The following TTC21B variants were observed in gnomAD, a reference collection of about 807,000 sequenced individuals.
TTC21B encodes tetratricopeptide repeat domain 21B, also known as tetratricopeptide repeat protein 21B.
In TTC21B, 127 loss-of-function variants were observed where a neutral mutation model predicts 175.1. The ratio of observed to expected loss-of-function variants is 0.73; its 90% CI spans 0.63 to 0.84. TTC21B has a LOEUF of 0.84. Among genes scored for constraint, TTC21B ranks in the 40% least tolerant of loss-of-function variants. The pLI, the probability that TTC21B is intolerant of heterozygous loss-of-function variation, is 0.00. For missense variants in TTC21B, 1,561 were observed against 1,558.3 expected, an observed-to-expected ratio of 1.00 and a Z score of -0.03; for synonymous variants, 524 against 524.5, an observed-to-expected ratio of 1.00 and a Z score of 0.01.
chr2:165,933,032 C>G lies in TTC21B; in HGVS notation c.736G>C (p.Val246Leu), dbSNP rs774480097. 4.3e-6 allele frequency: 7 copies of G among 1,612,746 alleles called. No homozygotes were observed. ...AGTGCCTGCATTCTCAGTGCTTCCA[C>G]ATTTTGGCTATCTTGGAGCAGCAAC... ...QRLLLQDSQN[V>L]EALRMQALYY... is the part of the protein sequence containing the mutation. The change falls in exon 7 of 29, where the codon GTG becomes CTG. Residue 246 changes from valine to leucine, a missense_variant. Val to Leu is a conservative substitution (Grantham distance 32). Coordinates refer to ENST00000243344, the MANE Select transcript of TTC21B (RefSeq NM_024753.5).
intron 3 of TTC21B, among the ~76,000 whole-genome samples, chr2:165,946,316 G>A (rs1449930635): frequency 2.0e-5 from 3 of 151,866 alleles, no homozygotes. Flanking sequence ...TCCAGCCTGG[G>A]TGATAGAGCA....
intron 1 of TTC21B, among the ~76,000 whole-genome samples, chr2:165,951,782 G>A (rs1049864977): frequency 3.9e-5 from 6 of 152,226 alleles, no homozygotes; most frequent in African/African-American, 1.4e-4. Context: ...AGATGAGACT[G>A]TAATCTGAAG....
rs1270585200 is a variant in TTC21B at position 165,874,552 on chromosome 2, T to C, written c.*203A>G. ...TGTACCCAATCAAAACAGAGTCAAA[T>C]AGACCAGCTCTCATTCAACTCCATT... On this transcript the variant is annotated 3_prime_UTR_variant, in exon 29 of 29. Coordinates refer to ENST00000243344, the MANE Select transcript of TTC21B (RefSeq NM_024753.5). 3.7e-6 allele frequency: 2 copies of C among 546,750 alleles called. No homozygotes were observed. Among genetic ancestry groups the C allele is most frequent in the African/African-American group, 3.8e-5 (2 of 52,648 alleles). The allele number at this position is 546,750 out of a possible 1,614,324, so 33.9% of individuals were successfully genotyped here.
intron 1 of TTC21B, among the ~76,000 whole-genome samples, chr2:165,950,070 T>TAAAAAA (rs769740344): frequency 1.3e-4 from 17 of 128,834 alleles, no homozygotes; most frequent in Non-Finnish European, 2.2e-4. Context: ...AAACAGGAAC[T>TAAAAAA]AAAAAAAAAA....
At chr2:165,887,524 TA>T (rs1392031386) in intron 25 of TTC21B, among the ~76,000 whole-genome samples, 1 of 151,944 alleles carries the variant, frequency 6.6e-6, no homozygotes, top group East Asian at 1.9e-4. Context: ...CCTTCTCTAC[TA>T]AAAATACAAA....
chr2:165,916,802 GTTTAT>G (rs1290785825), intron 14 of TTC21B, among the ~76,000 whole-genome samples: 1 of 152,124 alleles, frequency 6.6e-6, no homozygotes, highest in Non-Finnish European at 1.5e-5. Flanking sequence ...CTTACAGGAA[GTTTAT>G]TTTTAGTGCA....
In TTC21B at chr2:165,899,817, A is replaced by C. The variant is rs766079660; in HGVS notation, c.2821T>G (p.Cys941Gly). 1 of 1,614,124 alleles carries C rather than the reference A, an allele frequency of 6.2e-7. No individual in the cohort carries two copies. Among genetic ancestry groups the C allele is most frequent in the South Asian group, 1.1e-5 (1 of 91,088 alleles). Residue 941 changes from cysteine to glycine, a missense_variant, in exon 21 of 29, where the codon TGT (cysteine) becomes GGT (glycine). Coordinates refer to ENST00000243344, the MANE Select transcript of TTC21B (RefSeq NM_024753.5). The stretch of plus-strand genomic sequence containing the variant: ...TGGTCACTCTGAAGCAGTAGAGCAC[A>C]CTGCCGCAGGCAGGAATCAGGGTCA... The part of the protein sequence containing the change: ...QDDPDSCLRQ[C>G]ALLLQSDQDN...
chr2:165,890,397 A>G (rs1685145543), intron 24 of TTC21B, 82 bp downstream of exon 24: 2 of 1,340,226 alleles, frequency 1.5e-6, no homozygotes, highest in Admixed American at 1.9e-5. Flanking sequence ...GCTATCCTAA[A>G]TTTAGTTCTT....
chr2:165,943,662 A>C (rs1687448146), intron 4 of TTC21B, among the ~76,000 whole-genome samples: 1 of 152,188 alleles, frequency 6.6e-6, no homozygotes, highest in African/African-American at 2.4e-5. Context: ...ATAACACTTA[A>C]ACATGAAATT....
chr2:165,876,276 C>T (rs1259577813), intron 27 of TTC21B, 44 bp from the exon 28 acceptor site: 7 of 1,199,042 alleles, frequency 5.8e-6, no homozygotes, highest in Non-Finnish European at 8.7e-6. Context: ...GAGTACACTG[C>T]TACTATTACT....
Position 165,943,361 on chromosome 2 carries a change from ATT to A in TTC21B, c.430-22_430-21del, listed in dbSNP as rs1185102713. The stretch of plus-strand genomic sequence containing the variant: ...GTGTCCCTGTAAAATGAATAATTCT[ATT>A]TTTACTTTTTTAGAAATGAGAGAAA... On this transcript the variant is annotated intron_variant, in intron 4 of 28. Coordinates refer to ENST00000243344, the MANE Select transcript of TTC21B (RefSeq NM_024753.5). 1.9e-6 allele frequency: 3 copies of A among 1,574,040 alleles called. No homozygotes were observed. The highest frequency in any genetic ancestry group is 2.6e-6 in the Non-Finnish European group (3 of 1,148,758).
chr2:165,916,564 G>A (rs925521723), intron 14 of TTC21B, among the ~76,000 whole-genome samples: 2 of 152,088 alleles, frequency 1.3e-5, no homozygotes, highest in African/African-American at 4.8e-5. Flanking sequence ...AGAATTTCAG[G>A]TTGGTACTTC....
At chr2:165,896,189 A>G (rs1253056538) in intron 22 of TTC21B, among the ~76,000 whole-genome samples, 1 of 152,100 alleles carries the variant, frequency 6.6e-6, no homozygotes. Context: ...ACTGAAACAC[A>G]GCTCTAGGAC....
At chr2:165,926,561 T>C (rs1009454974) in intron 11 of TTC21B, among the ~76,000 whole-genome samples, 1 of 152,138 alleles carries the variant, frequency 6.6e-6, no homozygotes, top group Non-Finnish European at 1.5e-5. Context: ...TCTACCATAT[T>C]TTCACATGTT....
chr2:165,914,676 T>TGTGTGTGTGTGTGTGTGTGTGCGCGC (rs1323278449), intron 15 of TTC21B, among the ~76,000 whole-genome samples: 6 of 118,380 alleles, frequency 5.1e-5, no homozygotes, highest in African/African-American at 2.4e-4. Context: ...TGTGTGTGTG[T>TGTGTGTGTGTGTGTGTGTGTGCGCGC]GTGTGTGTGT....
chr2:165,920,813 A>AATATTTTGAAATATTTTCTATATTT (rs1344348648), intron 12 of TTC21B, among the ~76,000 whole-genome samples: 1 of 152,144 alleles, frequency 6.6e-6, no homozygotes, highest in Non-Finnish European at 1.5e-5. Flanking sequence ...AAATATTTAA[A>AATATTTTGAAATATTTTCTATATTT]AATGAGAAGT....
intron 15 of TTC21B, among the ~76,000 whole-genome samples, chr2:165,914,678 T>TGG: frequency 8.5e-6 from 1 of 117,908 alleles, no homozygotes; most frequent in Admixed American, 7.6e-5. Flanking sequence ...TGTGTGTGTG[T>TGG]GTGTGTGTGT....
intron 24 of TTC21B, 106 bp downstream of exon 24, chr2:165,890,373 G>T: frequency 9.7e-7 from 1 of 1,027,664 alleles, no homozygotes. Flanking sequence ...TTATTCATCT[G>T]ACCTTTCATT....
chr2:165,919,135 T>C (rs1482276287), intron 13 of TTC21B, 141 bp downstream of exon 13: 3 of 981,582 alleles, frequency 3.1e-6, no homozygotes, highest in Non-Finnish European at 4.8e-6. Context: ...TTTTTCCTCC[T>C]ACTGCTTGTG....
Sources: gnomAD v4.1 joint callset for allele counts (sites outside exome capture counted in the v4.1 genomes callset) on GRCh38, gnomAD v4.1.1 for gene constraint, MANE v1.5 for transcripts, NCBI Gene and HGNC (gene_info 2026-07-23, HGNC 2026-07-21) for gene names.